ADGB: variants seen among roughly 807,000 people sequenced by gnomAD.
The protein encoded by ADGB is calpain-7-like protein.
ADGB carries 172 observed loss-of-function variants against 210.5 expected under a neutral mutation model. The ratio of observed to expected loss-of-function variants is 0.82; its 90% confidence interval spans 0.72 to 0.93. The LOEUF is 0.93. ADGB is among the 40% of genes least tolerant of loss of function. ADGB has a pLI of 0.00. For missense variants in ADGB, 2,025 were observed against 1,964.8 expected (o/e 1.03, Z -0.58); for synonymous variants, 658 against 662.7 (o/e 0.99, Z 0.11).
intron 1 of ADGB, among the ~76,000 whole-genome samples, chr6:146,600,041 T>C (rs982149790): frequency 5.3e-5 from 8 of 152,180 alleles, no homozygotes; most frequent in Non-Finnish European, 1.2e-4. Context: ...TATGATTCAC[T>C]GATCCCTAGG....
chr6:146,685,843 T>C lies in ADGB; in HGVS notation c.1311+15T>C. On this transcript the variant is annotated intron_variant, in intron 10 of 35. Transcript: ENST00000397944. ...TAGAGAAGATGGTAAGCATTCAAGC[T>C]TAGGAAACAGTATTATTTATTTTGT... is the stretch of plus-strand genomic sequence containing the variant. The C allele has an allele frequency of 6.7e-7, 1 of 1,482,688 alleles. No individual in the cohort carries two copies. Among genetic ancestry groups the C allele is most frequent in the Non-Finnish European group, 9.1e-7 (1 of 1,095,280 alleles). The allele number at this position is 1,482,688 out of a possible 1,614,324, so 91.8% of individuals were successfully genotyped here. A position where few individuals can be genotyped will look rare whatever the true frequency, so the allele number is the denominator to read the frequency against.
Position 146,625,519 on chromosome 6 carries a change from G to C in ADGB, c.75-9856G>C, listed in dbSNP as rs183249953. Among the ~76,000 whole-genome samples, 271 of 152,230 alleles carry C rather than the reference G, an allele frequency of 1.8e-3. 2 individuals carry two copies. Among genetic ancestry groups the C allele is most frequent in the Middle Eastern group, 3.4e-3 (1 of 294 alleles). ...TCCAAATATCCTGTTGAAATGTGAG[G>C]TGTTTGGGTCATGGGAGTGGGTCTT... On this transcript the variant is annotated intron_variant, in intron 1 of 35. Coordinates refer to ENST00000397944, the MANE Select transcript of ADGB (RefSeq NM_024694.4).
intron 9 of ADGB, among the ~76,000 whole-genome samples, chr6:146,681,647 T>G (rs548528355): frequency 6.6e-6 from 1 of 152,210 alleles, no homozygotes; most frequent in South Asian, 2.1e-4. Flanking sequence ...TATGGACATG[T>G]GGAACTGATG....
At chr6:146,666,949 C>T in intron 7 of ADGB, 47 bp downstream of exon 7, 1 of 1,384,770 alleles carries the variant, frequency 7.2e-7, no homozygotes, top group Non-Finnish European at 9.9e-7. Context: ...TTTATCTTCC[C>T]AAGATTTCTT....
At chr6:146,728,810 G>A in intron 20 of ADGB, 69 bp downstream of exon 20, 1 of 1,266,020 alleles carries the variant, frequency 7.9e-7, no homozygotes, top group Non-Finnish European at 1.1e-6. Flanking sequence ...TCTTCCATTA[G>A]GTGACCTCCC....
intron 13 of ADGB, among the ~76,000 whole-genome samples, chr6:146,703,284 G>C (rs1244635359): frequency 6.6e-6 from 1 of 151,658 alleles, no homozygotes; most frequent in Non-Finnish European, 1.5e-5. Flanking sequence ...TGCATTTATA[G>C]TGTAAAACAT....
intron 14 of ADGB, 141 bp downstream of exon 14, chr6:146,715,556 T>C (rs538608991): frequency 7.6e-5 from 38 of 496,910 alleles, no homozygotes; most frequent in Admixed American, 2.9e-4. Context: ...TAGTCTGCTC[T>C]GGGCTTTAAA....
At chr6:146,791,628 C>A (rs1158553600) in intron 33 of ADGB, among the ~76,000 whole-genome samples, 2 of 152,274 alleles carry the variant, frequency 1.3e-5, no homozygotes, top group African/African-American at 4.8e-5. Flanking sequence ...CAGGCATGAG[C>A]CACCCTGGCC....
At chr6:146,674,903 TA>T (rs1414012280) in intron 8 of ADGB, among the ~76,000 whole-genome samples, 1 of 152,190 alleles carries the variant, frequency 6.6e-6, no homozygotes, top group African/African-American at 2.4e-5. Flanking sequence ...TATTATGTAT[TA>T]TTTTTAAGTC....
intron 1 of ADGB, among the ~76,000 whole-genome samples, chr6:146,616,018 A>T (rs1166062711): frequency 6.7e-6 from 1 of 150,098 alleles, no homozygotes; most frequent in Non-Finnish European, 1.5e-5. Flanking sequence ...GTACTAGTTT[A>T]CATTCCCACC....
rs1354973869 is a variant in ADGB at position 146,733,106 on chromosome 6, T to A, written c.2521-14T>A. The A allele has an allele frequency of 5.1e-6, 7 of 1,373,098 alleles. No individual in the cohort carries two copies. The Admixed American group carries it at 1.6e-4, about 32-fold the overall frequency. 85.1% of individuals were successfully genotyped at this position (1,373,098 alleles called of 1,614,324 possible). A position where few individuals can be genotyped will look rare whatever the true frequency, so the allele number is the denominator to read the frequency against. On this transcript the variant is annotated splice_polypyrimidine_tract_variant and intron_variant, in intron 20 of 35. Coordinates refer to ENST00000397944, the MANE Select transcript of ADGB (RefSeq NM_024694.4). Reference sequence around the variant, plus strand: ...TGGTATTTTCTTGCTATAAAAAAAATTTATGTGTTTCAGGTTTTTCATCTT... The same window carrying A: ...TGGTATTTTCTTGCTATAAAAAAAAATTATGTGTTTCAGGTTTTTCATCTT...
At chr6:146,643,934 T>C (rs1446643911) in intron 2 of ADGB, among the ~76,000 whole-genome samples, 1 of 151,790 alleles carries the variant, frequency 6.6e-6, no homozygotes, top group South Asian at 2.1e-4. Context: ...ATACCACAAA[T>C]GGTGGGATTT....
intron 2 of ADGB, among the ~76,000 whole-genome samples, chr6:146,644,364 T>A (rs1036818285): frequency 2.0e-5 from 3 of 151,908 alleles, no homozygotes; most frequent in African/African-American, 7.2e-5. Flanking sequence ...TTCTTACAGT[T>A]GAAAATTAAA....
intron 14 of ADGB, among the ~76,000 whole-genome samples, 178 bp from the exon 15 acceptor site, chr6:146,716,702 TCTC>T (rs1490507632): frequency 6.6e-6 from 1 of 152,060 alleles, no homozygotes; most frequent in African/African-American, 2.4e-5. Flanking sequence ...GTGATTAAAT[TCTC>T]CTTTGTGTAT....
intron 9 of ADGB, among the ~76,000 whole-genome samples, chr6:146,679,075 T>C (rs921529550): frequency 6.6e-6 from 1 of 152,164 alleles, no homozygotes; most frequent in African/African-American, 2.4e-5. Context: ...AAACAAGCTG[T>C]ATTGTATATC....
In ADGB at chr6:146,642,919, G is replaced by A. The variant is rs996665893; in HGVS notation, c.238-1854G>A. On this transcript the variant is annotated intron_variant, in intron 2 of 35. Coordinates refer to ENST00000397944, the MANE Select transcript of ADGB (RefSeq NM_024694.4). ...GTACCCCCAATTATAAAATAAAAGG[G>A]TTCTTTTAAAAAAATTAACAGACAT... 1.7e-4 allele frequency among the ~76,000 whole-genome samples: 26 copies of A among 151,634 alleles called. 1 individual carries two copies. The highest frequency in any genetic ancestry group is 5.3e-4 in the African/African-American group (22 of 41,314).
chr6:146,629,082 A>G (rs1359702585), intron 1 of ADGB, among the ~76,000 whole-genome samples: 2 of 152,222 alleles, frequency 1.3e-5, no homozygotes, highest in Admixed American at 6.5e-5. Context: ...AATATATTAT[A>G]AAAGTATAGG....
chr6:146,746,217 T>G, intron 26 of ADGB, 108 bp downstream of exon 26: 1 of 823,566 alleles, frequency 1.2e-6, no homozygotes, highest in South Asian at 2.1e-5. Flanking sequence ...AATTTCAAAT[T>G]CCATATTCTT....
intron 9 of ADGB, among the ~76,000 whole-genome samples, chr6:146,683,639 C>T (rs1374088554): frequency 6.6e-6 from 1 of 151,968 alleles, no homozygotes; most frequent in East Asian, 1.9e-4. Context: ...TATAATATGT[C>T]AAGACCACAT....
Sources: allele counts gnomAD v4.1 joint callset (sites outside exome capture counted in the v4.1 genomes callset), GRCh38; gene constraint gnomAD v4.1.1; transcripts MANE v1.5; gene names NCBI Gene and HGNC (gene_info 2026-07-23, HGNC 2026-07-21).